GRM7: variants seen among roughly 807,000 people sequenced by gnomAD.
The protein encoded by GRM7 is glutamate metabotropic receptor 7.
A neutral mutation model predicts 84.5 loss-of-function variants in GRM7; 35 were observed. The ratio of observed to expected loss-of-function variants is 0.41; its 90% CI spans 0.32 to 0.55. The LOEUF (loss-of-function observed/expected upper bound fraction) is 0.55, where lower values mean the gene tolerates loss of function less well. Among genes scored for constraint, GRM7 ranks in the 20% least tolerant of loss-of-function variants. The pLI is 0.19. For missense variants in GRM7, 1,003 were observed against 1,194.6 expected, an observed-to-expected ratio of 0.84 and a Z score of 2.36; for synonymous variants, 487 against 455.1, an observed-to-expected ratio of 1.07 and a Z score of -0.89.
chr3:7,727,125 A>T (rs948579484), intron 9 of GRM7, among the ~76,000 whole-genome samples: 3 of 152,144 alleles, frequency 2.0e-5, no homozygotes, highest in African/African-American at 7.2e-5. Context: ...ACAATATAGC[A>T]CATAAGCATT....
At chr3:7,069,383 A>G (rs1367341579) in intron 1 of GRM7, among the ~76,000 whole-genome samples, 1 of 152,044 alleles carries the variant, frequency 6.6e-6, no homozygotes, top group Non-Finnish European at 1.5e-5. Context: ...GGAGAGAACC[A>G]GGAGAACAAA....
intron 9 of GRM7, among the ~76,000 whole-genome samples, chr3:7,707,909 C>T (rs1169187218): frequency 6.8e-6 from 1 of 147,884 alleles, no homozygotes; most frequent in African/African-American, 2.5e-5. Flanking sequence ...CACAATAGAA[C>T]ATATTGCTGT....
chr3:7,071,421 C>T (rs1283821997), intron 1 of GRM7, among the ~76,000 whole-genome samples: 3 of 152,094 alleles, frequency 2.0e-5, no homozygotes, highest in East Asian at 1.9e-4. Context: ...ATATTCCATT[C>T]TAGCCATTCC....
At chr3:7,442,344 G>T (rs1409842097) in intron 5 of GRM7, among the ~76,000 whole-genome samples, 2 of 152,058 alleles carry the variant, frequency 1.3e-5, no homozygotes, top group Non-Finnish European at 2.9e-5. Flanking sequence ...TGCTGAAATT[G>T]TTCTGGGAGC....
rs370610594 is a variant in GRM7, at chr3:7,031,585, T to G, written c.520-114867T>G. Among the ~76,000 whole-genome samples, 23 of 151,826 alleles carry G rather than the reference T, an allele frequency of 1.5e-4. No homozygotes were observed. In the East Asian group the frequency reaches 3.3e-3, roughly 22 times the overall value. ...GCGCCCGCCACCACGCCCAGCTAAT[T>G]TTTTGTATTTTTAGTAGAGACAGGG... On this transcript the variant is annotated intron_variant, in intron 1 of 9. Coordinates refer to ENST00000357716, the MANE Select transcript of GRM7 (RefSeq NM_000844.4).
chr3:7,129,217 C>G (rs1693508731), intron 1 of GRM7, among the ~76,000 whole-genome samples: 1 of 152,136 alleles, frequency 6.6e-6, no homozygotes, highest in Non-Finnish European at 1.5e-5. Context: ...AATTGATATC[C>G]TACTAGAGAA....
chr3:7,120,666 A>G (rs1330884569), intron 1 of GRM7, among the ~76,000 whole-genome samples: 1 of 152,172 alleles, frequency 6.6e-6, no homozygotes, highest in African/African-American at 2.4e-5. Flanking sequence ...ACAAATGTGG[A>G]TCAAAGGCCA....
chr3:7,483,005 C>T (rs1699190394), intron 7 of GRM7, among the ~76,000 whole-genome samples: 1 of 152,104 alleles, frequency 6.6e-6, no homozygotes. Context: ...CAATTTTAAG[C>T]TGTGTGTTTT....
chr3:7,406,344 C>A (rs1271835934), intron 4 of GRM7, among the ~76,000 whole-genome samples: 2 of 151,792 alleles, frequency 1.3e-5, no homozygotes, highest in South Asian at 2.1e-4. Context: ...ACTAAAAATA[C>A]AAAAAATTAG....
chr3:6,947,284 C>G (rs538135346), intron 1 of GRM7, among the ~76,000 whole-genome samples: 1 of 152,026 alleles, frequency 6.6e-6, no homozygotes, highest in African/African-American at 2.4e-5. Flanking sequence ...TTTTGTCAAA[C>G]GCCTTTTCTG....
chr3:7,301,442 C>A (rs759772590), intron 3 of GRM7, among the ~76,000 whole-genome samples: 1 of 152,088 alleles, frequency 6.6e-6, no homozygotes, highest in South Asian at 2.1e-4. Context: ...CCTTTTAACA[C>A]CCATTTTACA....
chr3:6,891,053 A>ACCCCTGCCATTTT (rs1695918197), intron 1 of GRM7, among the ~76,000 whole-genome samples: 1 of 152,066 alleles, frequency 6.6e-6, no homozygotes, highest in Non-Finnish European at 1.5e-5. Context: ...TAGGATTGCA[A>ACCCCTGCCATTTT]CCCCTGCCAT....
At chr3:6,905,470 G>T (rs184833736) in intron 1 of GRM7, among the ~76,000 whole-genome samples, 8 of 152,156 alleles carry the variant, frequency 5.3e-5, no homozygotes, top group Admixed American at 3.9e-4. Flanking sequence ...TTTAAAATCA[G>T]ATTTAATAGC....
rs1181344764 is a variant in GRM7 at position 6,878,061 on chromosome 3, C to T, written c.519+16154C>T. Among the ~76,000 whole-genome samples the T allele has an allele frequency of 3.3e-5, 5 of 151,788 alleles. No individual in the cohort carries two copies. In the South Asian group the frequency reaches 6.2e-4, roughly 19 times the overall value. On this transcript the variant is annotated intron_variant, in intron 1 of 9. Transcript: ENST00000357716. ...AAATTCCATTCATTTAAGACCAATA[C>T]AGCATGTCCCAAATGTCTTAGTCCA... is the stretch of plus-strand genomic sequence containing the variant.
intron 1 of GRM7, among the ~76,000 whole-genome samples, chr3:6,894,368 C>T (rs936469102): frequency 3.3e-5 from 5 of 152,006 alleles, no homozygotes; most frequent in Non-Finnish European, 5.9e-5. Context: ...AAATGTACTG[C>T]AATAATGAAA....
At chr3:6,895,217 A>G (rs997904382) in intron 1 of GRM7, among the ~76,000 whole-genome samples, 14 of 152,142 alleles carry the variant, frequency 9.2e-5, no homozygotes, top group African/African-American at 3.4e-4. Flanking sequence ...TCTATACCTT[A>G]TATACTTGAT....
intron 1 of GRM7, among the ~76,000 whole-genome samples, chr3:6,944,601 A>G (rs1697996157): frequency 6.6e-6 from 1 of 152,078 alleles, no homozygotes. Context: ...GTCTTTGCAT[A>G]TGTATTCCTG....
intron 4 of GRM7, among the ~76,000 whole-genome samples, chr3:7,327,018 A>C (rs1366938144): frequency 6.6e-6 from 1 of 152,184 alleles, no homozygotes; most frequent in East Asian, 1.9e-4. Flanking sequence ...TACAGATGGC[A>C]TCTCTCTTGT....
intron 1 of GRM7, among the ~76,000 whole-genome samples, chr3:6,996,764 C>A (rs775946128): frequency 6.6e-5 from 10 of 152,150 alleles, no homozygotes; most frequent in Non-Finnish European, 8.8e-5. Flanking sequence ...TTGCTGATTT[C>A]TTTCTTCCTG....
Sources: gnomAD v4.1 joint callset for allele counts (sites outside exome capture counted in the v4.1 genomes callset) on GRCh38, gnomAD v4.1.1 for gene constraint, MANE v1.5 for transcripts, NCBI Gene and HGNC (gene_info 2026-07-23, HGNC 2026-07-21) for gene names.